The following RPS6KC1 variants were observed in gnomAD, a reference collection of about 807,000 sequenced individuals.
RPS6KC1 encodes ribosomal protein S6 kinase C1.
RPS6KC1 carries 54 observed loss-of-function variants against 103.8 expected under a neutral mutation model. The ratio of observed to expected loss-of-function variants is 0.52; its 90% confidence interval spans 0.42 to 0.65. RPS6KC1 has a LOEUF of 0.65. RPS6KC1 is among the 30% of genes least tolerant of loss of function. The pLI, the probability that RPS6KC1 is intolerant of heterozygous loss-of-function variation, is 0.00. For synonymous variants in RPS6KC1, 439 were observed against 438.7 expected, an observed-to-expected ratio of 1.00 and a Z score of -0.01; for missense variants, 1,151 against 1,253.8, an observed-to-expected ratio of 0.92 and a Z score of 1.24.
the RPS6KC1 span, among the ~76,000 whole-genome samples, chr1:213,609,173 A>G: frequency 2.6e-5 from 4 of 152,276 alleles, no homozygotes; most frequent in Non-Finnish European, 4.4e-5. Flanking sequence ...AAAAGTCCAT[A>G]TACCACGTAT....
chr1:213,217,997 A>C (rs1232727071), intron 8 of RPS6KC1, among the ~76,000 whole-genome samples: 3 of 152,194 alleles, frequency 2.0e-5, no homozygotes, highest in Non-Finnish European at 4.4e-5. Context: ...ACTCCTATTG[A>C]ACGTATTGTT....
the RPS6KC1 span, among the ~76,000 whole-genome samples, chr1:213,569,125 G>T: frequency 3.9e-5 from 6 of 152,118 alleles, no homozygotes; most frequent in African/African-American, 1.4e-4. Context: ...ACTTCCCTTT[G>T]GCTGTGCTTT....
chr1:213,122,971 A>T (rs901967879), intron 5 of RPS6KC1, among the ~76,000 whole-genome samples: 1 of 152,132 alleles, frequency 6.6e-6, no homozygotes, highest in African/African-American at 2.4e-5. Context: ...TGAGGATAAT[A>T]TTGGATATTA....
chr1:213,664,798 T>A, the RPS6KC1 span, among the ~76,000 whole-genome samples: 1 of 152,268 alleles, frequency 6.6e-6, no homozygotes, highest in Admixed American at 6.5e-5. Context: ...ATAAATATAT[T>A]TGAAGGAGTG....
the RPS6KC1 span, among the ~76,000 whole-genome samples, chr1:213,586,853 T>G: frequency 6.6e-6 from 1 of 152,196 alleles, no homozygotes; most frequent in African/African-American, 2.4e-5. Context: ...CACACTGGCC[T>G]TATTGACCCA....
At chr1:213,180,767 G>A (rs894768858) in intron 8 of RPS6KC1, among the ~76,000 whole-genome samples, 1 of 151,968 alleles carries the variant, frequency 6.6e-6, no homozygotes, top group Non-Finnish European at 1.5e-5. Flanking sequence ...TGTGTGGTAC[G>A]AATATACGGG....
At chr1:213,615,364 G>T in the RPS6KC1 span, among the ~76,000 whole-genome samples, 1 of 152,216 alleles carries the variant, frequency 6.6e-6, no homozygotes, top group African/African-American at 2.4e-5. Context: ...CAATGTCCTT[G>T]TTATGTGGAT....
At chr1:213,420,754 A>G in the RPS6KC1 span, among the ~76,000 whole-genome samples, 3 of 152,266 alleles carry the variant, frequency 2.0e-5, no homozygotes, top group Admixed American at 1.3e-4. Flanking sequence ...GAGACAAAGT[A>G]CTATGAACTG....
At chr1:213,535,776 G>A in the RPS6KC1 span, among the ~76,000 whole-genome samples, 1 of 152,134 alleles carries the variant, frequency 6.6e-6, no homozygotes, top group Non-Finnish European at 1.5e-5. Context: ...AAGCCAGAGA[G>A]ACCGTCTCTT....
At chr1:213,860,102 C>G in the RPS6KC1 span, among the ~76,000 whole-genome samples, 2 of 149,886 alleles carry the variant, frequency 1.3e-5, no homozygotes, top group Non-Finnish European at 3.0e-5. Context: ...AATATAGATA[C>G]GTATATATAT....
chr1:213,104,893 A>G (rs2082332512), intron 4 of RPS6KC1, among the ~76,000 whole-genome samples: 1 of 151,910 alleles, frequency 6.6e-6, no homozygotes, highest in Non-Finnish European at 1.5e-5. Context: ...TTTTTGATTC[A>G]TGGATCTTAA....
At chr1:213,254,528 T>C (rs934737164) in intron 12 of RPS6KC1, among the ~76,000 whole-genome samples, 1 of 152,232 alleles carries the variant, frequency 6.6e-6, no homozygotes, top group Non-Finnish European at 1.5e-5. Flanking sequence ...GAAGAAGTTA[T>C]GAGAAAGGCT....
intron 12 of RPS6KC1, among the ~76,000 whole-genome samples, chr1:213,259,853 C>G (rs1393191713): frequency 6.6e-6 from 1 of 151,276 alleles, no homozygotes; most frequent in Non-Finnish European, 1.5e-5. Context: ...ATTCTCCTGC[C>G]TCAGCCTCCT....
At chr1:213,488,929 TC>T in the RPS6KC1 span, among the ~76,000 whole-genome samples, 1 of 152,228 alleles carries the variant, frequency 6.6e-6, no homozygotes, top group African/African-American at 2.4e-5. Context: ...TTTTGGTGAT[TC>T]ATATAATTGT....
the RPS6KC1 span, among the ~76,000 whole-genome samples, chr1:213,427,900 T>C: frequency 6.6e-6 from 1 of 152,238 alleles, no homozygotes; most frequent in Non-Finnish European, 1.5e-5. Context: ...TCTAGGATGC[T>C]AAGCAGTAGG....
chr1:213,524,697 A>G, the RPS6KC1 span, among the ~76,000 whole-genome samples: 1 of 152,198 alleles, frequency 6.6e-6, no homozygotes, highest in East Asian at 1.9e-4. Flanking sequence ...AATACCACCT[A>G]CTCACAGGAC....
rs17020280 is a variant in RPS6KC1 at position 213,220,254 on chromosome 1, A to C, written c.1045-10243A>C. Among the ~76,000 whole-genome samples, 1,065 of 152,326 alleles carry C rather than the reference A, an allele frequency of 7.0e-3. 14 individuals carry two copies. The highest frequency in any genetic ancestry group is 0.024 in the African/African-American group (1,010 of 41,584). On this transcript the variant is annotated intron_variant, in intron 8 of 14. Coordinates refer to ENST00000366960, the MANE Select transcript of RPS6KC1 (RefSeq NM_012424.6). ...CTATCTTTAAATTAGTTTATAACTAATTCTCTGTGGAAGCATTGTAGAATC... is the reference window on the plus strand; with the variant it reads ...CTATCTTTAAATTAGTTTATAACTACTTCTCTGTGGAAGCATTGTAGAATC...
chr1:213,494,944 A>G, the RPS6KC1 span, among the ~76,000 whole-genome samples: 17 of 150,800 alleles, frequency 1.1e-4, no homozygotes, highest in South Asian at 1.0e-3. Flanking sequence ...TGGATTATCT[A>G]CAAAGAAAAG....
At chr1:213,180,572 T>G (rs576598638) in intron 8 of RPS6KC1, among the ~76,000 whole-genome samples, 4 of 152,268 alleles carry the variant, frequency 2.6e-5, no homozygotes, top group African/African-American at 9.6e-5. Flanking sequence ...TGGATGGAAT[T>G]TTACATTAGA....
Sources: gnomAD v4.1 joint callset for allele counts (sites outside exome capture counted in the v4.1 genomes callset) on GRCh38, gnomAD v4.1.1 for gene constraint, MANE v1.5 for transcripts, NCBI Gene and HGNC (gene_info 2026-07-23, HGNC 2026-07-21) for gene names.